The following ZNF503 variants were observed in gnomAD, a reference collection of about 807,000 sequenced individuals.
ZNF503 encodes zinc finger protein 503.
ZNF503 carries 15 observed loss-of-function variants against 34.4 expected under a neutral mutation model. That is an observed-to-expected ratio of 0.44 (90% confidence interval 0.29 to 0.67). The LOEUF is 0.67. Ranked by LOEUF, ZNF503 falls within the 30% of genes least tolerant of loss-of-function variation. The pLI is 0.13. For synonymous variants in ZNF503, 580 were observed against 456.8 expected (o/e 1.27, Z -3.44); for missense variants, 1,007 against 926.8 (o/e 1.09, Z -1.12).
chr10:75,379,873 A>G, the ZNF503 span, among the ~76,000 whole-genome samples: 1 of 152,162 alleles, frequency 6.6e-6, no homozygotes, highest in East Asian at 1.9e-4. Flanking sequence ...GTTGCAGGAG[A>G]GAGGCCATCC....
chr10:75,400,290 G>C lies in ZNF503; in HGVS notation c.400C>G (p.Leu134Val). The change falls in exon 2 of 2, where the codon CTC becomes GTC. Residue 134 changes from leucine to valine, a missense_variant. Leu to Val is a conservative substitution (Grantham distance 32). Coordinates refer to ENST00000372524, the MANE Select transcript of ZNF503 (RefSeq NM_032772.6). ...GKPDPSPSSK[L>V]SSVASNGGGA... ...CCCCCGTTGGAGGCAACCGAGGAGA[G>C]TTTGGAGGAGGGCGAGGGGTCGGGC... 6.2e-7 allele frequency: 1 copy of C among 1,613,342 alleles called. No individual in the cohort carries two copies. The highest frequency in any genetic ancestry group is 8.5e-7 in the Non-Finnish European group (1 of 1,179,754).
the ZNF503 span, among the ~76,000 whole-genome samples, chr10:75,385,719 G>T: frequency 6.6e-6 from 1 of 152,224 alleles, no homozygotes; most frequent in East Asian, 1.9e-4. Context: ...AGGAAGGAGT[G>T]TCAGCTCCAT....
chr10:75,311,107 T>C, the ZNF503 span, among the ~76,000 whole-genome samples: 1 of 152,000 alleles, frequency 6.6e-6, no homozygotes, highest in Middle Eastern at 3.2e-3. Flanking sequence ...CAATAGGCCA[T>C]CTGCAAGCCA....
chr10:75,338,154 T>G, the ZNF503 span, among the ~76,000 whole-genome samples: 2 of 152,228 alleles, frequency 1.3e-5, no homozygotes. Flanking sequence ...CATTTTAAAT[T>G]GTAATCATAA....
the ZNF503 span, among the ~76,000 whole-genome samples, chr10:75,378,866 T>C: frequency 0.55 from 83,885 of 151,782 alleles, 25,118 homozygotes; most frequent in Non-Finnish European, 0.66. Context: ...TTATTCTCTT[T>C]CTTCCTGGCA....
the ZNF503 span, among the ~76,000 whole-genome samples, chr10:75,343,993 G>A: frequency 0.024 from 3,727 of 152,306 alleles, 153 homozygotes; most frequent in African/African-American, 0.084. Context: ...ATTGTGGAGG[G>A]GAAAGGAAGA....
At chr10:75,313,046 C>A in the ZNF503 span, among the ~76,000 whole-genome samples, 4 of 152,208 alleles carry the variant, frequency 2.6e-5, no homozygotes, top group African/African-American at 7.2e-5. Flanking sequence ...GATTGTTAGG[C>A]CTCCCCAGCC....
downstream of ZNF503, among the ~76,000 whole-genome samples, chr10:75,393,957 A>C (rs1310509152): frequency 6.6e-6 from 1 of 152,240 alleles, no homozygotes; most frequent in Non-Finnish European, 1.5e-5. Context: ...TTGAAAACCC[A>C]GCTACGTTCA....
rs774539181 is a variant in ZNF503, at chr10:75,399,555, C to T, written c.1135G>A (p.Val379Met). ...GYPPQFLPHG[V>M]ALDPTKPGSL... ...CCCGGCTTGGTGGGGTCAAGTGCCA[C>T]GCCGTGTGGCAGGAACTGGGGCGGG... Residue 379 changes from valine to methionine, a missense_variant, in exon 2 of 2, where the codon GTG becomes ATG. Physicochemically the swap from Val to Met is conservative, Grantham distance 21. Transcript: ENST00000372524. 3 of 1,594,674 alleles carry T rather than the reference C, an allele frequency of 1.9e-6. No homozygotes were observed. Among genetic ancestry groups the T allele is most frequent in the Admixed American group, 1.7e-5 (1 of 59,812 alleles).
the ZNF503 span, among the ~76,000 whole-genome samples, chr10:75,326,493 A>G: frequency 1.3e-5 from 2 of 152,200 alleles, no homozygotes; most frequent in East Asian, 3.8e-4. Flanking sequence ...TACAAAATAT[A>G]TAATGATGAG....
the ZNF503 span, among the ~76,000 whole-genome samples, chr10:75,348,131 C>T: frequency 6.6e-6 from 1 of 152,102 alleles, no homozygotes; most frequent in African/African-American, 2.4e-5. Context: ...GGCACAATCT[C>T]GGCTCACTGC....
intron 1 of ZNF503, 89 bp downstream of exon 1, chr10:75,401,016 C>T: frequency 6.4e-7 from 1 of 1,566,718 alleles, no homozygotes. Flanking sequence ...TCCGACCCCC[C>T]CACCTCCGCC....
At chr10:75,400,509 T>G (rs1444850617) in intron 1 of ZNF503, 135 bp from the exon 2 acceptor site, 6 of 1,426,556 alleles carry the variant, frequency 4.2e-6, no homozygotes, top group Non-Finnish European at 5.5e-6. Flanking sequence ...GGCGCAATTC[T>G]AGGCGGCACC....
At chr10:75,349,166 A>G in the ZNF503 span, among the ~76,000 whole-genome samples, 1 of 152,254 alleles carries the variant, frequency 6.6e-6, no homozygotes, top group African/African-American at 2.4e-5. Context: ...TTATATTCAC[A>G]TCTCCCCAGT....
Position 75,399,295 on chromosome 10 carries a change from T to G in ZNF503, c.1395A>C (p.Gly465=). The G allele has an allele frequency of 6.2e-7, 1 of 1,602,178 alleles. No individual in the cohort carries two copies. Residue 465 remains glycine, a synonymous_variant, in exon 2 of 2, where the codon GGA becomes GGC. Coordinates refer to ENST00000372524, the MANE Select transcript of ZNF503 (RefSeq NM_032772.6). The part of the protein sequence containing the change: ...PAAAAAALKS[G]YPLVYPTHPL... The stretch of plus-strand genomic sequence containing the variant: ...GGTGCGTGGGGTACACCAGCGGGTA[T>G]CCGGACTTCAGCGCCGCAGCCGCAG...
chr10:75,385,854 T>G, the ZNF503 span, among the ~76,000 whole-genome samples: 2,203 of 152,320 alleles, frequency 0.014, 35 homozygotes, highest in South Asian at 0.058. Context: ...TTACTCTAGC[T>G]TTCTTCTTCT....
Position 75,399,753 on chromosome 10 carries a change from C to G in ZNF503, c.937G>C (p.Gly313Arg), listed in dbSNP as rs763219704. Reference protein sequence around the residue: ...GGKALGSDCGGSSGSSSGSGP... With the variant: ...GGKALGSDCGRSSGSSSGSGP... ...GAGCCGGAGCTGGAGCCCGATGAAC[C>G]GCCGCAGTCCGAGCCCAGAGCCTTG... Residue 313 changes from glycine (G) to arginine (R), a missense_variant, in exon 2 of 2, where the codon GGT becomes CGT. By Grantham distance (125) the Gly-to-Arg change is moderately radical (BLOSUM62 -2). Coordinates refer to ENST00000372524, the MANE Select transcript of ZNF503 (RefSeq NM_032772.6). 5 of 1,592,422 alleles carry G rather than the reference C, an allele frequency of 3.1e-6. No homozygotes were observed. Among genetic ancestry groups the G allele is most frequent in the South Asian group, 1.1e-5 (1 of 89,520 alleles).
At chr10:75,342,388 C>T in the ZNF503 span, among the ~76,000 whole-genome samples, 2 of 152,006 alleles carry the variant, frequency 1.3e-5, no homozygotes, top group African/African-American at 2.4e-5. Flanking sequence ...ACTACCACCC[C>T]GTATGGGAGC....
the ZNF503 span, among the ~76,000 whole-genome samples, chr10:75,365,425 C>T: frequency 6.6e-6 from 1 of 152,176 alleles, no homozygotes; most frequent in Non-Finnish European, 1.5e-5. Context: ...GGATTACAGG[C>T]GTGAGCCACC....
Sources: allele counts gnomAD v4.1 joint callset (sites outside exome capture counted in the v4.1 genomes callset), GRCh38; gene constraint gnomAD v4.1.1; transcripts MANE v1.5; gene names NCBI Gene and HGNC (gene_info 2026-07-23, HGNC 2026-07-21).